ZNF831: variants seen among roughly 807,000 people sequenced by gnomAD.
ZNF831 encodes chromosome 20 open reading frame 174.
Under a neutral mutation model 95.8 loss-of-function variants are expected in ZNF831, and 59 were observed. The observed-to-expected ratio is 0.62, with a 90% CI of 0.50 to 0.77. The LOEUF is 0.77. Ranked by LOEUF, ZNF831 falls within the 30% of genes least tolerant of loss-of-function variation. The pLI, the probability that ZNF831 is intolerant of heterozygous loss-of-function variation, is 0.00. For synonymous variants in ZNF831, 961 were observed against 925.5 expected, an observed-to-expected ratio of 1.04 and a Z score of -0.70; for missense variants, 2,205 against 2,164.0, an observed-to-expected ratio of 1.02 and a Z score of -0.38.
intron 4 of ZNF831, among the ~76,000 whole-genome samples, chr20:59,241,564 A>G (rs1214806294): frequency 1.3e-5 from 2 of 152,232 alleles, no homozygotes; most frequent in African/African-American, 4.8e-5. Context: ...AGAAACGTTT[A>G]TAAGAAAATG....
Position 59,254,804 on chromosome 20 carries a change from TGTC to T in ZNF831, c.*62_*64del, listed in dbSNP as rs1988102416. ...CTGTTGACGCTTCACAAGTAAATGT[TGTC>T]AGGCTGGCGGAAGAACTAAACTCTA... is the stretch of plus-strand genomic sequence containing the variant. On this transcript the variant is annotated 3_prime_UTR_variant, in exon 6 of 6. Coordinates refer to ENST00000371030, the MANE Select transcript of ZNF831 (RefSeq NM_178457.3). This position sits in a 1 kb window ranked among gnomAD's most constrained non-coding sequence, Gnocchi z 4.5. The T allele has an allele frequency of 6.5e-7, 1 of 1,538,036 alleles. No individual in the cohort carries two copies. Among genetic ancestry groups the T allele is most frequent in the East Asian group, 2.3e-5 (1 of 44,392 alleles).
intron 4 of ZNF831, among the ~76,000 whole-genome samples, chr20:59,240,119 C>T (rs1455425337): frequency 1.3e-5 from 2 of 151,404 alleles, no homozygotes; most frequent in Non-Finnish European, 2.9e-5. Context: ...CACCCCCACC[C>T]CCACCTACCC....
At chr20:59,159,084 T>A (rs376845195), upstream of ZNF831, among the ~76,000 whole-genome samples, 11 of 152,252 alleles carry the variant, frequency 7.2e-5, no homozygotes, top group South Asian at 2.3e-3. Flanking sequence ...ACATCAATTA[T>A]TATAGCTTGG....
intron 1 of ZNF831, among the ~76,000 whole-genome samples, chr20:59,136,928 T>G (rs1479341889): frequency 6.6e-6 from 1 of 152,150 alleles, no homozygotes; most frequent in Non-Finnish European, 1.5e-5. Flanking sequence ...AGTTATGCAG[T>G]TTTCATGTCC....
At position 59,127,998 on chromosome 20, in the gene ZNF831, C is replaced by A. The variant is rs191555139; in HGVS notation, c.-1425+4493C>A. Among the ~76,000 whole-genome samples the A allele has an allele frequency of 2.6e-4, 39 of 152,348 alleles. No individual in the cohort carries two copies. The East Asian group carries it at 7.5e-3, about 29-fold the overall frequency. Reference sequence around the variant, plus strand: ...CTGGCACTGGCTGGATGCTGGGCTGCCTATCCTGGGGGCCGTGGCCCAGTG... The same window carrying A: ...CTGGCACTGGCTGGATGCTGGGCTGACTATCCTGGGGGCCGTGGCCCAGTG... On this transcript the variant is annotated intron_variant, in intron 1 of 7. Coordinates refer to the ZNF831 transcript ENST00000637017.
intron 5 of ZNF831, among the ~76,000 whole-genome samples, chr20:59,253,637 G>A (rs1988017126): frequency 6.6e-6 from 1 of 152,170 alleles, no homozygotes. Context: ...TAATTGAGTG[G>A]TTTTGTTTTT....
intron 4 of ZNF831, among the ~76,000 whole-genome samples, chr20:59,249,010 C>T (rs1162386094): frequency 1.3e-5 from 2 of 152,156 alleles, no homozygotes; most frequent in Admixed American, 6.5e-5. Context: ...TCCCCACCAT[C>T]ATCTTGCCCC....
chr20:59,206,892 C>T lies in ZNF831; in HGVS notation c.3876-13C>T, dbSNP rs376780615. ...CAGGCTGGTTACTGCAAGCATGCTT[C>T]TCTCTTCTACAGGTACAAAGGGAAT... On this transcript the variant is annotated splice_polypyrimidine_tract_variant and intron_variant, in intron 3 of 5. Coordinates refer to ENST00000371030, the MANE Select transcript of ZNF831 (RefSeq NM_178457.3). 5.0e-5 allele frequency: 80 copies of T among 1,610,704 alleles called. No homozygotes were observed. Among genetic ancestry groups the T allele is most frequent in the Non-Finnish European group, 6.7e-5 (79 of 1,178,290 alleles).
In ZNF831 at chr20:59,253,881, T is replaced by TTTG; in HGVS notation, c.4189-16_4189-14dup. 1.3e-6 allele frequency: 1 copy of TTTG among 758,102 alleles called. No individual in the cohort carries two copies. The highest frequency in any genetic ancestry group is 6.5e-5 in the East Asian group (1 of 15,310). 47.0% of individuals were successfully genotyped at this position (758,102 alleles called of 1,614,324 possible). A position where few individuals can be genotyped will look rare whatever the true frequency, so the allele number is the denominator to read the frequency against. ...ACCTCCCCCCCCACTTTTTTTTTCC[T>TTTG]TTGCACTTTGTTGCAGGATATTTCT... On this transcript the variant is annotated splice_polypyrimidine_tract_variant and intron_variant, in intron 5 of 5. Transcript: ENST00000371030.
chr20:59,190,989 C>A lies in ZNF831; in HGVS notation c.-31C>A, dbSNP rs2146541263. The A allele has an allele frequency of 6.8e-7, 1 of 1,465,684 alleles. No homozygotes were observed. Among genetic ancestry groups the A allele is most frequent in the South Asian group, 1.5e-5 (1 of 67,298 alleles). The allele number at this position is 1,465,684 out of a possible 1,614,324, so 90.8% of individuals were successfully genotyped here. Reference sequence around the variant, plus strand: ...AGTTTGGTTGTTGTCTGCAGGTTTTCCAGCATTGTGGGCCATCCAGATGAT... The same window carrying A: ...AGTTTGGTTGTTGTCTGCAGGTTTTACAGCATTGTGGGCCATCCAGATGAT... On this transcript the variant is annotated 5_prime_UTR_variant, in exon 2 of 6. Coordinates refer to ENST00000371030, the MANE Select transcript of ZNF831 (RefSeq NM_178457.3).
intron 1 of ZNF831, among the ~76,000 whole-genome samples, chr20:59,142,763 T>C (rs1040845605): frequency 1.3e-5 from 2 of 152,280 alleles, no homozygotes; most frequent in African/African-American, 4.8e-5. Flanking sequence ...CTACTCATAT[T>C]TTCAGTGCCT....
In ZNF831 at chr20:59,257,599, A is replaced by T. The variant is rs1489385613; in HGVS notation, c.*2856A>T. On this transcript the variant is annotated 3_prime_UTR_variant, in exon 6 of 6. Transcript: ENST00000371030. ...AGTATTATCAATTGATAACTACCAC[A>T]GTTTTATACTCTGCAAGTGTGTACT... The T allele has an allele frequency of 6.6e-6, 1 of 152,250 alleles. No homozygotes were observed. The highest frequency in any genetic ancestry group is 1.5e-5 in the Non-Finnish European group (1 of 68,038). The allele number at this position is 152,250 out of a possible 1,614,324, so 9.4% of individuals were successfully genotyped here. A position where few individuals can be genotyped will look rare whatever the true frequency, so the allele number is the denominator to read the frequency against.
chr20:59,140,992 C>CCT (rs1979660124), intron 1 of ZNF831, among the ~76,000 whole-genome samples: 1 of 151,946 alleles, frequency 6.6e-6, no homozygotes, highest in Non-Finnish European at 1.5e-5. Flanking sequence ...CTCTTCCTCC[C>CCT]AGGTTCAAGC....
chr20:59,213,852 G>A (rs1207665312), intron 4 of ZNF831, among the ~76,000 whole-genome samples: 1 of 152,172 alleles, frequency 6.6e-6, no homozygotes, highest in Non-Finnish European at 1.5e-5. Flanking sequence ...TGGAAGCTCT[G>A]GGGAGGTAAA....
chr20:59,173,214 G>A (rs1429795095), intron 1 of ZNF831, among the ~76,000 whole-genome samples: 1 of 152,156 alleles, frequency 6.6e-6, no homozygotes, highest in East Asian at 1.9e-4. Flanking sequence ...CGAGTTTTAG[G>A]ATCCCCTTTT....
intron 1 of ZNF831, among the ~76,000 whole-genome samples, chr20:59,181,666 T>A (rs1183731753): frequency 6.6e-6 from 1 of 152,090 alleles, no homozygotes; most frequent in Non-Finnish European, 1.5e-5. Flanking sequence ...TTGTCGAAGA[T>A]CAGATGGTTG....
At chr20:59,147,766 G>A (rs913294831) in intron 2 of ZNF831, among the ~76,000 whole-genome samples, 3 of 152,218 alleles carry the variant, frequency 2.0e-5, no homozygotes, top group African/African-American at 7.2e-5. Context: ...TATGACTGGG[G>A]TTGATCAGAT....
intron 1 of ZNF831, among the ~76,000 whole-genome samples, chr20:59,170,095 A>G (rs1981604563): frequency 6.7e-6 from 1 of 149,862 alleles, no homozygotes; most frequent in South Asian, 2.1e-4. Flanking sequence ...TTGATTTGAA[A>G]CCCTCCCTCT....
intron 1 of ZNF831, among the ~76,000 whole-genome samples, chr20:59,176,393 C>T (rs1165907203): frequency 2.0e-5 from 3 of 152,072 alleles, no homozygotes; most frequent in Non-Finnish European, 2.9e-5. Context: ...GGTTGTTACA[C>T]GACTGTATTT....
Sources: gnomAD v4.1 joint callset for allele counts (sites outside exome capture counted in the v4.1 genomes callset) on GRCh38, gnomAD v4.1.1 for gene constraint, Gnocchi (gnomAD v3.1) non-coding constraint, MANE v1.5 for transcripts, NCBI Gene and HGNC (gene_info 2026-07-23, HGNC 2026-07-21) for gene names.